The following GALNT13 variants were observed in gnomAD, a reference collection of about 807,000 sequenced individuals.
The protein encoded by GALNT13 is polypeptide N-acetylgalactosaminyltransferase 13, also known as UDP-GalNAc:polypeptide N-acetylgalactosaminyltransferase 13.
In GALNT13, 28 loss-of-function variants were observed where a neutral mutation model predicts 64.2. The observed-to-expected ratio is 0.44, with a 90% CI of 0.32 to 0.60. The LOEUF is 0.60. Among genes scored for constraint, GALNT13 ranks in the 20% least tolerant of loss-of-function variants. The probability of loss-of-function intolerance (pLI) is 0.05; values close to 1 mark genes in which losing one functional copy is unlikely to be tolerated. For synonymous variants in GALNT13, 214 were observed against 224.6 expected, an observed-to-expected ratio of 0.95 and a Z score of 0.42; for missense variants, 577 against 669.8, an observed-to-expected ratio of 0.86 and a Z score of 1.53.
the GALNT13 span, among the ~76,000 whole-genome samples, chr2:153,330,239 A>T: frequency 6.6e-6 from 1 of 152,174 alleles, no homozygotes; most frequent in African/African-American, 2.4e-5. Flanking sequence ...CTTTTTGCTT[A>T]GGATTGCTTT....
At position 154,238,809 on chromosome 2, in the gene GALNT13, G is replaced by T. The variant is rs115610309; in HGVS notation, c.312-3221G>T. ...GTGAAATGATCAAGTTAACACGTCT[G>T]CCAGCTCACATCTTTATGATTTTTT... On this transcript the variant is annotated intron_variant, in intron 4 of 12. Transcript: ENST00000392825. Among the ~76,000 whole-genome samples, 824 of 152,062 alleles carry T rather than the reference G, an allele frequency of 5.4e-3. 10 individuals are homozygous for T. The highest frequency in any genetic ancestry group is 0.019 in the African/African-American group (784 of 41,520).
intron 8 of GALNT13, among the ~76,000 whole-genome samples, chr2:154,269,243 T>A (rs1271339807): frequency 6.6e-6 from 1 of 152,014 alleles, no homozygotes; most frequent in Non-Finnish European, 1.5e-5. Context: ...AAGTAAAGAA[T>A]TTTCTAAGCA....
At chr2:153,967,612 A>C (rs1043023904) in intron 3 of GALNT13, among the ~76,000 whole-genome samples, 1 of 152,036 alleles carries the variant, frequency 6.6e-6, no homozygotes, top group African/African-American at 2.4e-5. Context: ...TCCATGTGGC[A>C]CTGCCTGGAG....
the GALNT13 span, among the ~76,000 whole-genome samples, chr2:153,205,789 T>TA: frequency 6.6e-6 from 1 of 152,108 alleles, no homozygotes; most frequent in Non-Finnish European, 1.5e-5. Context: ...ACAGAAATTA[T>TA]TTAATTTTAC....
intron 9 of GALNT13, among the ~76,000 whole-genome samples, chr2:154,307,848 A>G (rs576311574): frequency 1.3e-5 from 2 of 152,314 alleles, no homozygotes; most frequent in East Asian, 3.9e-4. Context: ...ACCACATTAT[A>G]AAAAGCAACA....
chr2:153,912,721 G>A (rs1689041493), intron 2 of GALNT13, among the ~76,000 whole-genome samples: 1 of 152,176 alleles, frequency 6.6e-6, no homozygotes, highest in Admixed American at 6.5e-5. Context: ...CTAATTCTGG[G>A]TGACTCTTAT....
the GALNT13 span, among the ~76,000 whole-genome samples, chr2:153,386,350 CT>C: frequency 6.6e-6 from 1 of 152,070 alleles, no homozygotes; most frequent in Admixed American, 6.6e-5. Context: ...TTGATACCGA[CT>C]GTTATACAGA....
chr2:153,196,394 ATG>A, the GALNT13 span, among the ~76,000 whole-genome samples: 1 of 152,028 alleles, frequency 6.6e-6, no homozygotes, highest in South Asian at 2.1e-4. Flanking sequence ...ACTGCCCTGA[ATG>A]TGCACACACC....
intron 9 of GALNT13, among the ~76,000 whole-genome samples, chr2:154,337,937 A>T (rs570430203): frequency 1.3e-5 from 2 of 152,082 alleles, no homozygotes; most frequent in South Asian, 2.1e-4. Flanking sequence ...TGATGGCAGC[A>T]AGCAAAATTA....
chr2:153,708,918 A>T, the GALNT13 span, among the ~76,000 whole-genome samples: 1 of 152,212 alleles, frequency 6.6e-6, no homozygotes, highest in South Asian at 2.1e-4. Flanking sequence ...GTGTGGGAAA[A>T]ACTGGATATC....
chr2:153,254,284 A>G, the GALNT13 span, among the ~76,000 whole-genome samples: 250 of 152,064 alleles, frequency 1.6e-3, 7 homozygotes, highest in East Asian at 0.043. Flanking sequence ...CTCTGATGGT[A>G]GTTTGTATTT....
the GALNT13 span, among the ~76,000 whole-genome samples, chr2:153,732,560 G>T: frequency 2.6e-5 from 4 of 151,950 alleles, no homozygotes; most frequent in African/African-American, 9.7e-5. Flanking sequence ...ACTTAAAAAT[G>T]TGTACAACGG....
the GALNT13 span, among the ~76,000 whole-genome samples, chr2:153,580,670 A>C: frequency 6.6e-6 from 1 of 152,312 alleles, no homozygotes; most frequent in East Asian, 1.9e-4. Flanking sequence ...ACAAGCATGG[A>C]CATAAAAACT....
the GALNT13 span, among the ~76,000 whole-genome samples, chr2:153,671,470 G>A: frequency 6.6e-6 from 1 of 152,152 alleles, no homozygotes; most frequent in Non-Finnish European, 1.5e-5. Context: ...AAGTGAAGGA[G>A]AAATAAAATC....
At chr2:154,355,287 G>A (rs747961498) in intron 9 of GALNT13, among the ~76,000 whole-genome samples, 19 of 152,052 alleles carry the variant, frequency 1.2e-4, no homozygotes, top group South Asian at 2.1e-4. Context: ...ATGAGATAAC[G>A]GAGACTTGCC....
chr2:153,339,289 A>G, the GALNT13 span, among the ~76,000 whole-genome samples: 2 of 152,146 alleles, frequency 1.3e-5, no homozygotes, highest in Non-Finnish European at 2.9e-5. Flanking sequence ...CTTATCATTT[A>G]CCTTTTTGAT....
chr2:154,370,373 T>A (rs1404725770), intron 9 of GALNT13, among the ~76,000 whole-genome samples: 1 of 152,068 alleles, frequency 6.6e-6, no homozygotes. Context: ...ATATTAGATG[T>A]AAAGAGGAAA....
At chr2:154,293,352 G>T (rs1416261968) in intron 8 of GALNT13, among the ~76,000 whole-genome samples, 1 of 152,074 alleles carries the variant, frequency 6.6e-6, no homozygotes, top group Admixed American at 6.5e-5. Flanking sequence ...ATAACTCCTG[G>T]ACATTGATGT....
intron 9 of GALNT13, among the ~76,000 whole-genome samples, chr2:154,346,571 T>C (rs2105240549): frequency 6.6e-6 from 1 of 152,214 alleles, no homozygotes; most frequent in African/African-American, 2.4e-5. Context: ...TGGCTCTCAT[T>C]TTCCCTTGTC....
Sources: gnomAD v4.1 joint callset for allele counts (sites outside exome capture counted in the v4.1 genomes callset) on GRCh38, gnomAD v4.1.1 for gene constraint, MANE v1.5 for transcripts, NCBI Gene and HGNC (gene_info 2026-07-23, HGNC 2026-07-21) for gene names.